Variants in AUTS2 observed in about 807,000 individuals in gnomAD.
AUTS2 encodes autism susceptibility gene 2 protein.
Under a neutral mutation model 112.4 loss-of-function variants are expected in AUTS2, and 17 were observed. That is an observed-to-expected ratio of 0.15 (90% CI 0.10 to 0.23). The LOEUF (loss-of-function observed/expected upper bound fraction) is 0.23, where lower values mean the gene tolerates loss of function less well. AUTS2 is among the 10% of genes least tolerant of loss of function. The probability of loss-of-function intolerance (pLI) is 1.00; values close to 1 mark genes in which losing one functional copy is unlikely to be tolerated. For synonymous variants in AUTS2, 751 were observed against 702.7 expected (o/e 1.07, Z -1.09); for missense variants, 1,510 against 1,701.6 (o/e 0.89, Z 1.98).
intron 4 of AUTS2, among the ~76,000 whole-genome samples, chr7:70,360,879 C>T (rs1230665509): frequency 2.6e-5 from 4 of 152,118 alleles, no homozygotes; most frequent in Non-Finnish European, 2.9e-5. Flanking sequence ...TAGGACATGC[C>T]GTGAATTTGC....
At chr7:70,262,485 A>T (rs1787218391) in intron 4 of AUTS2, among the ~76,000 whole-genome samples, 1 of 152,146 alleles carries the variant, frequency 6.6e-6, no homozygotes, top group Non-Finnish European at 1.5e-5. Context: ...TGTGAAATTG[A>T]TTTTCTTGTT....
chr7:69,800,212 C>G (rs971395331), intron 1 of AUTS2, among the ~76,000 whole-genome samples: 4 of 152,192 alleles, frequency 2.6e-5, no homozygotes, highest in African/African-American at 9.6e-5. Flanking sequence ...TCAGGGTTAT[C>G]TGTTCCAGGA....
chr7:70,118,013 G>T (rs1262492672), intron 2 of AUTS2, 119 bp from the exon 3 acceptor site: 1 of 1,251,846 alleles, frequency 8.0e-7, no homozygotes, highest in Non-Finnish European at 1.0e-6. Context: ...CTCCGAAAGT[G>T]CTGGGATTAC....
intron 5 of AUTS2, among the ~76,000 whole-genome samples, chr7:70,453,368 T>C (rs1435461173): frequency 6.6e-6 from 1 of 152,232 alleles, no homozygotes; most frequent in African/African-American, 2.4e-5. Context: ...TCTCTGTCAG[T>C]CCTTCCTAAG....
At chr7:70,166,564 A>G (rs142909338) in intron 4 of AUTS2, among the ~76,000 whole-genome samples, 69 of 152,318 alleles carry the variant, frequency 4.5e-4, no homozygotes, top group Non-Finnish European at 8.1e-4. Context: ...GTAGACTATG[A>G]TAAGTTAAGA....
chr7:70,476,632 A>G (rs1797595055), intron 5 of AUTS2, among the ~76,000 whole-genome samples: 1 of 152,214 alleles, frequency 6.6e-6, no homozygotes, highest in Non-Finnish European at 1.5e-5. Flanking sequence ...ATCCATGTGT[A>G]TTACGGTGGT....
intron 4 of AUTS2, among the ~76,000 whole-genome samples, chr7:70,401,666 G>A (rs901793968): frequency 1.3e-5 from 2 of 152,174 alleles, no homozygotes; most frequent in African/African-American, 4.8e-5. Context: ...GCAGATGAAG[G>A]GTCAAAGAAG....
At chr7:69,800,056 T>G (rs1451697559) in intron 1 of AUTS2, among the ~76,000 whole-genome samples, 2 of 152,258 alleles carry the variant, frequency 1.3e-5, no homozygotes, top group Non-Finnish European at 2.9e-5. Flanking sequence ...CTTATGTATG[T>G]AAGGATAGAT....
intron 4 of AUTS2, among the ~76,000 whole-genome samples, chr7:70,368,444 T>C (rs1336508561): frequency 6.6e-6 from 1 of 152,064 alleles, no homozygotes; most frequent in African/African-American, 2.4e-5. Flanking sequence ...TTTTCCTGGG[T>C]AATAGAAGGG....
intron 5 of AUTS2, among the ~76,000 whole-genome samples, chr7:70,493,420 C>G (rs796681671): frequency 5.3e-5 from 8 of 152,238 alleles, no homozygotes; most frequent in African/African-American, 1.9e-4. Flanking sequence ...GATGCCCAAG[C>G]AACAAAGTGA....
intron 2 of AUTS2, among the ~76,000 whole-genome samples, chr7:69,964,377 C>T (rs900416566): frequency 2.6e-5 from 4 of 152,130 alleles, no homozygotes; most frequent in African/African-American, 7.2e-5. Context: ...TACCCATTTG[C>T]GTGCACACTA....
At chr7:69,753,955 C>G (rs1787844925) in intron 1 of AUTS2, among the ~76,000 whole-genome samples, 1 of 152,172 alleles carries the variant, frequency 6.6e-6, no homozygotes, top group Non-Finnish European at 1.5e-5. Context: ...GGTTGGTTTT[C>G]TGCTGTTCAC....
At chr7:69,789,679 G>A (rs962115446) in intron 1 of AUTS2, among the ~76,000 whole-genome samples, 4 of 152,022 alleles carry the variant, frequency 2.6e-5, no homozygotes, top group Non-Finnish European at 5.9e-5. Context: ...GGGGCTTGAC[G>A]TTTCCACAGC....
chr7:70,562,272 G>A (rs1032326211), intron 5 of AUTS2, among the ~76,000 whole-genome samples: 20 of 152,308 alleles, frequency 1.3e-4, no homozygotes, highest in African/African-American at 4.3e-4. Context: ...AGCAAATATA[G>A]ATTAGACCAC....
chr7:69,788,265 C>G (rs1411050964), intron 1 of AUTS2, among the ~76,000 whole-genome samples: 2 of 152,062 alleles, frequency 1.3e-5, no homozygotes. Flanking sequence ...CTTCTCTGTC[C>G]CTAAATAATT....
intron 1 of AUTS2, among the ~76,000 whole-genome samples, chr7:69,871,099 T>A (rs905341149): frequency 6.6e-6 from 1 of 151,500 alleles, no homozygotes. Context: ...TAACCAACAC[T>A]CTCTACCTTC....
chr7:69,975,487 A>G (rs575773361), intron 2 of AUTS2, among the ~76,000 whole-genome samples: 34 of 151,914 alleles, frequency 2.2e-4, no homozygotes, highest in Non-Finnish European at 4.4e-5. Flanking sequence ...TGAAGACACA[A>G]TTGTTAGATC....
At chr7:70,462,724 A>C (rs182306029) in intron 5 of AUTS2, among the ~76,000 whole-genome samples, 29 of 152,212 alleles carry the variant, frequency 1.9e-4, no homozygotes, top group Admixed American at 1.7e-3. Context: ...TGAGAGGCCA[A>C]GGTGAGTGGA....
chr7:70,006,232 T>TG (rs1799538867), intron 2 of AUTS2, among the ~76,000 whole-genome samples: 1 of 152,182 alleles, frequency 6.6e-6, no homozygotes, highest in African/African-American at 2.4e-5. Flanking sequence ...AGGATACAAC[T>TG]GGAAAAAATT....
Sources: allele counts gnomAD v4.1 joint callset (sites outside exome capture counted in the v4.1 genomes callset), GRCh38; gene constraint gnomAD v4.1.1; transcripts MANE v1.5; gene names NCBI Gene and HGNC (gene_info 2026-07-23, HGNC 2026-07-21).